The following DLG1 variants were observed in gnomAD, a reference collection of about 807,000 sequenced individuals.
DLG1 encodes discs large MAGUK scaffold protein 1, also known as disks large homolog 1.
A neutral mutation model predicts 123.4 loss-of-function variants in DLG1; 42 were observed. The ratio of observed to expected loss-of-function variants is 0.34; its 90% CI spans 0.27 to 0.44. The LOEUF (loss-of-function observed/expected upper bound fraction) is 0.44. Among genes scored for constraint, DLG1 ranks in the 20% least tolerant of loss-of-function variants. The probability of loss-of-function intolerance (pLI) is 1.00; values close to 1 mark genes in which losing one functional copy is unlikely to be tolerated. For missense variants in DLG1, 942 were observed against 1,082.6 expected (o/e 0.87, Z 1.82); for synonymous variants, 317 against 356.2 (o/e 0.89, Z 1.24).
intron 4 of DLG1, among the ~76,000 whole-genome samples, chr3:197,234,471 A>G (rs1444752855): frequency 6.6e-6 from 1 of 152,210 alleles, no homozygotes; most frequent in Non-Finnish European, 1.5e-5. Context: ...AAAATGTCTA[A>G]TCAATCCCAC....
chr3:197,278,282 CAAAAAAAAAAAAAAAA>C lies in DLG1; in HGVS notation c.318+4381_318+4396del, dbSNP rs71164203. Reference sequence around the variant, plus strand: ...TCGGTGGGAGAGCAAGACTCTGTCCCAAAAAAAAAAAAAAAAAAAAAAAAAAAAAGAAATGATTTTA... The same window carrying C: ...TCGGTGGGAGAGCAAGACTCTGTCCCAAAAAAAAAAAAAGAAATGATTTTA... On this transcript the variant is annotated intron_variant, in intron 4 of 24. Transcript: ENST00000667157. Among the ~76,000 whole-genome samples the C allele has an allele frequency of 3.1e-3, 117 of 37,536 alleles. 1 individual carries two copies. The highest frequency in any genetic ancestry group is 4.0e-3 in the Non-Finnish European group (90 of 22,710). 24.6% of individuals were successfully genotyped at this position (37,536 alleles called of 152,430 possible). A position where few individuals can be genotyped will look rare whatever the true frequency, so the allele number is the denominator to read the frequency against.
At chr3:197,093,096 A>G (rs1758631409) in intron 14 of DLG1, among the ~76,000 whole-genome samples, 1 of 152,124 alleles carries the variant, frequency 6.6e-6, no homozygotes, top group Admixed American at 6.5e-5. Context: ...CATTTATTCC[A>G]TATTTTTATA....
intron 11 of DLG1, among the ~76,000 whole-genome samples, chr3:197,128,593 A>C (rs1327761984): frequency 3.3e-5 from 5 of 152,202 alleles, no homozygotes; most frequent in Non-Finnish European, 7.4e-5. Flanking sequence ...CCTTTGCAGA[A>C]GGTTTTCAAT....
chr3:197,103,258 G>A (rs1411901478), intron 14 of DLG1, among the ~76,000 whole-genome samples: 2 of 152,120 alleles, frequency 1.3e-5, no homozygotes, highest in African/African-American at 4.8e-5. Context: ...AGTTGTGTGG[G>A]TAGGAGCATG....
chr3:197,220,634 G>GT (rs1168732950), intron 4 of DLG1, among the ~76,000 whole-genome samples: 1 of 150,218 alleles, frequency 6.7e-6, no homozygotes, highest in African/African-American at 2.5e-5. Flanking sequence ...TAAGAAAGGA[G>GT]TTTTTGGACT....
chr3:197,115,278 A>G (rs1772582292), intron 13 of DLG1, among the ~76,000 whole-genome samples: 1 of 152,166 alleles, frequency 6.6e-6, no homozygotes, highest in Non-Finnish European at 1.5e-5. Flanking sequence ...GTAGAACTAT[A>G]GGTAAGTTTT....
rs71623339 is a variant in DLG1 at position 197,158,634 on chromosome 3, C to CAAAAAAAAAAA, written c.484-8849_484-8839dup. 8.6e-4 allele frequency among the ~76,000 whole-genome samples: 58 copies of CAAAAAAAAAAA among 67,480 alleles called. 5 individuals are homozygous for CAAAAAAAAAAA. Among genetic ancestry groups the CAAAAAAAAAAA allele is most frequent in the East Asian group, 1.9e-3 (3 of 1,542 alleles). The allele number at this position is 67,480 out of a possible 152,430, so 44.3% of individuals were successfully genotyped here. On this transcript the variant is annotated intron_variant, in intron 5 of 24. Transcript: ENST00000667157. The stretch of plus-strand genomic sequence containing the variant: ...GGGTAACAAGAGCAAAACTCCATTT[C>CAAAAAAAAAAA]AAAAAAAAAAAAAAAAAAAAAAAGC...
intron 14 of DLG1, among the ~76,000 whole-genome samples, chr3:197,093,016 T>C (rs1758581781): frequency 6.6e-6 from 1 of 152,204 alleles, no homozygotes; most frequent in African/African-American, 2.4e-5. Flanking sequence ...TCTCATCCTA[T>C]TCTGTCCTGA....
chr3:197,149,779 T>A lies in DLG1; in HGVS notation c.501A>T (p.Val167=), dbSNP rs143611703. The change falls in exon 6 of 25, where the codon GTA becomes GTT. Residue 167 remains valine, a synonymous_variant. Transcript: ENST00000667157. The stretch of plus-strand genomic sequence containing the variant: ...TTTCCAAGCTATCTGTGTTGACCAG[T>A]ACTGGGGGAGGATTTGCCTTTAAGA... ...ISPIKANPPP[V]LVNTDSLETP... 371 of 1,596,996 alleles carry A rather than the reference T, an allele frequency of 2.3e-4. No homozygotes were observed. The African/African-American group carries it at 4.2e-3, about 18-fold the overall frequency.
At chr3:197,183,895 A>G in intron 5 of DLG1, 1 of 1,478,068 alleles carries the variant, frequency 6.8e-7, no homozygotes, top group Non-Finnish European at 9.0e-7. Flanking sequence ...CTGCAGCTAC[A>G]ATTACAGCAG....
chr3:197,296,287 T>A, intron 3 of DLG1, 59 bp downstream of exon 3: 1 of 1,487,766 alleles, frequency 6.7e-7, no homozygotes, highest in East Asian at 2.3e-5. Context: ...TTAAAATAAA[T>A]GAATTGAGAG....
At chr3:197,051,926 C>T (rs574819755) in intron 23 of DLG1, among the ~76,000 whole-genome samples, 16 of 149,924 alleles carry the variant, frequency 1.1e-4, no homozygotes, top group Non-Finnish European at 2.2e-4. Flanking sequence ...ACTGCAACCT[C>T]CGCCTCCTGG....
At chr3:197,084,288 T>C (rs540039325) in intron 16 of DLG1, among the ~76,000 whole-genome samples, 6 of 151,028 alleles carry the variant, frequency 4.0e-5, no homozygotes, top group African/African-American at 1.5e-4. Context: ...TTTAGATCAA[T>C]TTCTGCTTGG....
chr3:197,220,514 C>T (rs1035984225), intron 4 of DLG1, among the ~76,000 whole-genome samples: 2 of 151,916 alleles, frequency 1.3e-5, no homozygotes, highest in Non-Finnish European at 1.5e-5. Flanking sequence ...TATAGGAGAA[C>T]AATAATCAAC....
chr3:197,074,374 CA>C (rs745444926), intron 18 of DLG1, among the ~76,000 whole-genome samples: 3 of 152,046 alleles, frequency 2.0e-5, no homozygotes, highest in Non-Finnish European at 4.4e-5. Flanking sequence ...TCCAAAGTCT[CA>C]ATCTTCAATC....
intron 14 of DLG1, among the ~76,000 whole-genome samples, chr3:197,095,587 G>A (rs1315975110): frequency 2.6e-5 from 4 of 152,000 alleles, no homozygotes; most frequent in Non-Finnish European, 4.4e-5. Flanking sequence ...TCTGTATCAG[G>A]TGGTACACAA....
intron 15 of DLG1, among the ~76,000 whole-genome samples, chr3:197,089,527 TAAA>T (rs75041617): frequency 1.5e-5 from 2 of 130,968 alleles, no homozygotes; most frequent in Non-Finnish European, 1.7e-5. Context: ...ACCCTGTCTT[TAAA>T]AAAAAAAAAA....
chr3:197,244,377 C>T lies in DLG1; in HGVS notation c.318+38302G>A, dbSNP rs184029061. On this transcript the variant is annotated intron_variant, in intron 4 of 24. Coordinates refer to ENST00000667157, the MANE Select transcript of DLG1 (RefSeq NM_001366207.1). ...CAATCTGGGCCTTTGGCCTGCTGTG[C>T]GCACAAGCATAGCAATCATTTTTGT... Among the ~76,000 whole-genome samples, 433 of 152,252 alleles carry T rather than the reference C, an allele frequency of 2.8e-3. 1 individual carries two copies. Among genetic ancestry groups the T allele is most frequent in the Non-Finnish European group, 4.5e-3 (307 of 68,010 alleles).
intron 14 of DLG1, among the ~76,000 whole-genome samples, chr3:197,092,288 G>A (rs957355641): frequency 1.3e-5 from 2 of 152,128 alleles, no homozygotes; most frequent in Non-Finnish European, 2.9e-5. Context: ...CGTTGTATCT[G>A]CTTTCTTGGA....
Sources: allele counts gnomAD v4.1 joint callset (sites outside exome capture counted in the v4.1 genomes callset), GRCh38; gene constraint gnomAD v4.1.1; transcripts MANE v1.5; gene names NCBI Gene and HGNC (gene_info 2026-07-23, HGNC 2026-07-21).